Variants in PUDP observed in about 807,000 individuals in gnomAD.
PUDP encodes the protein pseudouridine 5'-phosphatase.
PUDP carries 8 observed loss-of-function variants against 9.4 expected under a neutral mutation model. That is an observed-to-expected ratio of 0.85 (90% CI 0.50 to 1.53). PUDP has a LOEUF of 1.53. Ranked by LOEUF, PUDP falls within the 40% of genes most tolerant of loss-of-function variation. The pLI is 0.00. For missense variants in PUDP, 188 were observed against 189.7 expected (o/e 0.99, Z 0.05); for synonymous variants, 99 against 80.7 (o/e 1.23, Z -1.22).
At chrX:6,851,023 T>G (rs1415494009) in intron 3 of PUDP, among the ~76,000 whole-genome samples, 1 of 112,454 alleles carries the variant, frequency 8.9e-6, no homozygotes, top group Non-Finnish European at 1.9e-5. Flanking sequence ...ATCTAACTTA[T>G]TTGTAGGCTT....
chrX:6,762,224 C>T (rs1181675526), intron 3 of PUDP, among the ~76,000 whole-genome samples: 1 of 111,635 alleles, frequency 9.0e-6, no homozygotes, highest in Non-Finnish European at 1.9e-5. Context: ...ACTTCCTGCG[C>T]CTCTGATGAG....
At chrX:6,950,638 C>T (rs1337125429) in intron 3 of PUDP, among the ~76,000 whole-genome samples, 1 of 109,542 alleles carries the variant, frequency 9.1e-6, no homozygotes, top group Non-Finnish European at 1.9e-5. Flanking sequence ...TCTTGATCTC[C>T]TGACCTCGTG....
At chrX:6,758,151 C>G (rs765845195) in intron 3 of PUDP, among the ~76,000 whole-genome samples, 34 of 111,946 alleles carry the variant, frequency 3.0e-4, no homozygotes, top group Non-Finnish European at 5.8e-4. Context: ...GTCAAGCTAC[C>G]TTGGTTAAGC....
At chrX:6,765,033 G>A (rs952379368) in intron 3 of PUDP, among the ~76,000 whole-genome samples, 7 of 109,575 alleles carry the variant, frequency 6.4e-5, no homozygotes, top group South Asian at 4.0e-4. Context: ...TTGGGAGGCC[G>A]AGGCACGAGG....
chrX:6,721,709 T>G (rs1471900419), upstream of PUDP, among the ~76,000 whole-genome samples: 5 of 112,170 alleles, frequency 4.5e-5, no homozygotes, highest in Non-Finnish European at 9.4e-5. Context: ...TGATGTTCAC[T>G]AAAGGGAAGG....
At chrX:7,057,556 A>C in intron 3 of PUDP, 1 of 880,227 alleles carries the variant, frequency 1.1e-6, no homozygotes, top group Non-Finnish European at 1.5e-6. Flanking sequence ...GCTGATTCTC[A>C]TGTTTCTGAT....
intron 3 of PUDP, among the ~76,000 whole-genome samples, chrX:6,933,192 C>A (rs182641808): frequency 0.019 from 2,083 of 107,327 alleles, 53 homozygotes; most frequent in African/African-American, 0.067. Context: ...GACCCCTGAC[C>A]CCTGACCCCT....
At chrX:6,772,119 T>A (rs1925373351) in intron 3 of PUDP, among the ~76,000 whole-genome samples, 1 of 112,457 alleles carries the variant, frequency 8.9e-6, no homozygotes, top group Non-Finnish European at 1.9e-5. Context: ...CCTTGTATCC[T>A]AATCACAGTG....
At chrX:7,136,707 C>G (rs866498772) in intron 1 of PUDP, among the ~76,000 whole-genome samples, 1 of 91,230 alleles carries the variant, frequency 1.1e-5, no homozygotes, top group Admixed American at 1.3e-4. Flanking sequence ...CCCCCCCCCC[C>G]AACCCCGCCC....
intron 1 of PUDP, among the ~76,000 whole-genome samples, chrX:7,112,754 C>CG (rs1425629773): frequency 9.0e-6 from 1 of 111,584 alleles, no homozygotes; most frequent in South Asian, 3.8e-4. Context: ...CCTGACCCCC[C>CG]GGGCTCAAGT....
At chrX:7,100,926 T>C (rs1216779048) in intron 2 of PUDP, among the ~76,000 whole-genome samples, 1 of 112,111 alleles carries the variant, frequency 8.9e-6, no homozygotes, top group South Asian at 3.7e-4. Context: ...AGGTTAAGTA[T>C]GATTTCTAAT....
intron 3 of PUDP, among the ~76,000 whole-genome samples, chrX:6,794,571 A>ATT (rs758259698): frequency 1.3e-4 from 13 of 99,658 alleles, no homozygotes; most frequent in Non-Finnish European, 1.4e-4. Flanking sequence ...TCTTTCTTTA[A>ATT]TTTTTTTTTT....
downstream of PUDP, among the ~76,000 whole-genome samples, chrX:7,044,867 G>C (rs1416397053): frequency 5.3e-5 from 6 of 112,665 alleles, no homozygotes; most frequent in Non-Finnish European, 1.9e-5. Flanking sequence ...GCCTTTCTTT[G>C]CTAGGTAAGC....
chrX:7,140,061 T>C (rs1373641177), intron 1 of PUDP, among the ~76,000 whole-genome samples: 1 of 112,347 alleles, frequency 8.9e-6, no homozygotes, highest in African/African-American at 3.2e-5. Context: ...AGAAGCCACA[T>C]GGATGGCCCA....
At chrX:7,066,324 A>G (rs1483015026) in intron 3 of PUDP, among the ~76,000 whole-genome samples, 2 of 111,729 alleles carry the variant, frequency 1.8e-5, no homozygotes, top group African/African-American at 3.3e-5. Flanking sequence ...CATTTGAGTG[A>G]CAGTCCAGAA....
At chrX:6,777,000 T>C (rs1218705307) in intron 3 of PUDP, among the ~76,000 whole-genome samples, 3 of 112,577 alleles carry the variant, frequency 2.7e-5, no homozygotes, top group Non-Finnish European at 3.7e-5. Context: ...GGCCACTTCA[T>C]TGGATCTGAG....
chrX:7,005,996 CAT>C (rs373574868), intron 1 of PUDP, among the ~76,000 whole-genome samples: 3 of 112,021 alleles, frequency 2.7e-5, no homozygotes, highest in Admixed American at 9.4e-5. Context: ...CATATTGTAA[CAT>C]ATGTGAAAAT....
At chrX:6,983,127 G>C (rs1929058568) in intron 1 of PUDP, among the ~76,000 whole-genome samples, 1 of 111,834 alleles carries the variant, frequency 8.9e-6, no homozygotes, top group Non-Finnish European at 1.9e-5. Context: ...CCGCTGCCTA[G>C]ACATAGGCGA....
chrX:6,988,077 AG>A (rs754354569), intron 1 of PUDP, among the ~76,000 whole-genome samples: 2 of 112,253 alleles, frequency 1.8e-5, no homozygotes, highest in East Asian at 5.6e-4. Flanking sequence ...ATGCAGGAAG[AG>A]GGGAAAAATG....
Sources: gnomAD v4.1 joint callset for allele counts (sites outside exome capture counted in the v4.1 genomes callset) on GRCh38, gnomAD v4.1.1 for gene constraint, MANE v1.5 for transcripts, NCBI Gene and HGNC (gene_info 2026-07-23, HGNC 2026-07-21) for gene names.